The following CBLB variants were observed in gnomAD, a reference collection of about 807,000 sequenced individuals.
CBLB encodes Cbl proto-oncogene B.
A neutral mutation model predicts 104.9 loss-of-function variants in CBLB; 31 were observed. The ratio of observed to expected loss-of-function variants is 0.30; its 90% confidence interval spans 0.22 to 0.40. The LOEUF (loss-of-function observed/expected upper bound fraction) is 0.40, where lower values mean the gene tolerates loss of function less well. Among genes scored for constraint, CBLB ranks in the 10% least tolerant of loss-of-function variants. The pLI, the probability that CBLB is intolerant of heterozygous loss-of-function variation, is 1.00. For missense variants in CBLB, 1,062 were observed against 1,214.6 expected (o/e 0.87, Z 1.87); for synonymous variants, 440 against 422.6 (o/e 1.04, Z -0.51).
chr3:105,847,133 A>T lies in CBLB; in HGVS notation c.419+6281T>A, dbSNP rs138779236. Among the ~76,000 whole-genome samples, 483 of 152,080 alleles carry T rather than the reference A, an allele frequency of 3.2e-3. 1 individual carries two copies. The highest frequency in any genetic ancestry group is 6.0e-3 in the Non-Finnish European group (408 of 67,966). On this transcript the variant is annotated intron_variant, in intron 3 of 18. Transcript: ENST00000394030. Reference sequence around the variant, plus strand: ...ATGTATCTTCAACGTACCAATTGCAAAATGTTTTTTGGTACACTATCTTGT... The same window carrying T: ...ATGTATCTTCAACGTACCAATTGCATAATGTTTTTTGGTACACTATCTTGT...
At chr3:105,807,068 C>T (rs2083601910) in intron 3 of CBLB, among the ~76,000 whole-genome samples, 1 of 152,152 alleles carries the variant, frequency 6.6e-6, no homozygotes, top group Admixed American at 6.6e-5. Context: ...CCAAACTAAA[C>T]ATTTAAGTCA....
At chr3:105,835,736 T>G (rs7651784) in intron 3 of CBLB, among the ~76,000 whole-genome samples, 101,288 of 152,074 alleles carry the variant, frequency 0.67, 34,972 homozygotes, top group Middle Eastern at 0.8. Context: ...TGACAGCAGT[T>G]TGAGATTGCA....
chr3:105,836,720 C>T (rs1256207162), intron 3 of CBLB, among the ~76,000 whole-genome samples: 1 of 152,072 alleles, frequency 6.6e-6, no homozygotes, highest in Non-Finnish European at 1.5e-5. Context: ...CAAAAACACA[C>T]AAAACCACCC....
chr3:105,702,477 A>G lies in CBLB; in HGVS notation c.1594-18T>C, dbSNP rs753468667. 13 of 838,678 alleles carry G rather than the reference A, an allele frequency of 1.6e-5. No homozygotes were observed. Among genetic ancestry groups the G allele is most frequent in the Middle Eastern group, 3.5e-4 (1 of 2,822 alleles). 52.0% of individuals were successfully genotyped at this position (838,678 alleles called of 1,614,324 possible). A position where few individuals can be genotyped will look rare whatever the true frequency, so the allele number is the denominator to read the frequency against. The stretch of plus-strand genomic sequence containing the variant: ...GGAGAAGACTAAAGAAACAGAAGAG[A>G]AAAAAAAAAAAAAAAAAAAAAACTA... On this transcript the variant is annotated intron_variant, in intron 11 of 18. Transcript: ENST00000394030.
chr3:105,806,491 A>AAC (rs1560328212), intron 3 of CBLB, among the ~76,000 whole-genome samples: 1 of 151,612 alleles, frequency 6.6e-6, no homozygotes, highest in African/African-American at 2.4e-5. Flanking sequence ...AAAAAAAAAA[A>AAC]AAAACAGAAA....
intron 3 of CBLB, among the ~76,000 whole-genome samples, chr3:105,824,671 T>C (rs930823929): frequency 1.3e-5 from 2 of 152,076 alleles, no homozygotes; most frequent in Non-Finnish European, 2.9e-5. Context: ...TAAAATACGA[T>C]TTTTATGCCA....
At chr3:105,836,967 C>A (rs1345538034) in intron 3 of CBLB, among the ~76,000 whole-genome samples, 13 of 144,988 alleles carry the variant, frequency 9.0e-5, no homozygotes, top group East Asian at 5.9e-4. Context: ...AAAACAAGAC[C>A]AAAAAAAAAA....
At chr3:105,700,869 T>C (rs1328743296) in intron 12 of CBLB, among the ~76,000 whole-genome samples, 1 of 152,236 alleles carries the variant, frequency 6.6e-6, no homozygotes, top group Non-Finnish European at 1.5e-5. Flanking sequence ...ACAGAGGAGC[T>C]GAGTGCAAGT....
chr3:105,732,076 G>A (rs1046411237), intron 9 of CBLB, among the ~76,000 whole-genome samples: 1 of 152,164 alleles, frequency 6.6e-6, no homozygotes, highest in African/African-American at 2.4e-5. Context: ...CTACCACCCT[G>A]AAGGCAAAGA....
intron 10 of CBLB, among the ~76,000 whole-genome samples, chr3:105,712,622 C>A (rs2071274676): frequency 6.6e-6 from 1 of 152,172 alleles, no homozygotes; most frequent in African/African-American, 2.4e-5. Context: ...ATCATTTCAA[C>A]TTAGTTATAC....
At chr3:105,698,605 C>CAA (rs34896633) in intron 12 of CBLB, among the ~76,000 whole-genome samples, 12,429 of 80,656 alleles carry the variant, frequency 0.15, 782 homozygotes, top group East Asian at 0.43. Context: ...ACCATTTGAC[C>CAA]AAAAAAAAAA....
chr3:105,700,979 T>C (rs2152776460), intron 12 of CBLB, among the ~76,000 whole-genome samples: 1 of 152,314 alleles, frequency 6.6e-6, no homozygotes, highest in Non-Finnish European at 1.5e-5. Context: ...ATTTAAGGTC[T>C]ACAGAGATGA....
chr3:105,869,120 C>T (rs1706735941), upstream of CBLB: 2 of 860,918 alleles, frequency 2.3e-6, no homozygotes, highest in East Asian at 1.6e-4. Context: ...TGCCCGACAG[C>T]GGGTGCAGCC....
intron 13 of CBLB, 110 bp downstream of exon 13, chr3:105,693,384 T>C: frequency 1.4e-6 from 1 of 716,894 alleles, no homozygotes; most frequent in South Asian, 1.5e-5. Flanking sequence ...GGCTGTTTAC[T>C]ATCAATGACT....
intron 3 of CBLB, among the ~76,000 whole-genome samples, chr3:105,795,429 TAC>T (rs1480231705): frequency 2.0e-5 from 3 of 152,258 alleles, no homozygotes; most frequent in Non-Finnish European, 4.4e-5. Flanking sequence ...GTGGAAATAT[TAC>T]ATATTAATGA....
chr3:105,775,535 A>ACTTC (rs1194803918), intron 4 of CBLB, among the ~76,000 whole-genome samples: 1 of 152,206 alleles, frequency 6.6e-6, no homozygotes, highest in Non-Finnish European at 1.5e-5. Context: ...AAGCAGTCAC[A>ACTTC]CTTCCTCCTT....
chr3:105,683,524 C>T (rs1231197865), intron 14 of CBLB, among the ~76,000 whole-genome samples: 8 of 143,696 alleles, frequency 5.6e-5, no homozygotes, highest in East Asian at 2.0e-4. Flanking sequence ...TAAAATTTAA[C>T]GTATTAAAAT....
chr3:105,868,154 C>A (rs951696858), intron 1 of CBLB: 113 of 1,170,782 alleles, frequency 9.7e-5, no homozygotes, highest in Non-Finnish European at 1.0e-4. Flanking sequence ...CCACCAAGTA[C>A]GGACACACGA....
At chr3:105,729,586 G>C (rs150322967) in intron 9 of CBLB, among the ~76,000 whole-genome samples, 1 of 152,142 alleles carries the variant, frequency 6.6e-6, no homozygotes, top group Admixed American at 6.5e-5. Context: ...TCTAAGTCCA[G>C]ACACCTAATA....
Sources: gnomAD v4.1 joint callset for allele counts (sites outside exome capture counted in the v4.1 genomes callset) on GRCh38, gnomAD v4.1.1 for gene constraint, MANE v1.5 for transcripts, NCBI Gene and HGNC (gene_info 2026-07-23, HGNC 2026-07-21) for gene names.